The following NETO1 variants were observed in gnomAD, a reference collection of about 807,000 sequenced individuals.
The protein encoded by NETO1 is neuropilin and tolloid-like protein 1.
A neutral mutation model predicts 61.3 loss-of-function variants in NETO1; 26 were observed. The ratio of observed to expected loss-of-function variants is 0.42; its 90% CI spans 0.31 to 0.59. NETO1 has a LOEUF of 0.59. Ranked by LOEUF, NETO1 falls within the 20% of genes least tolerant of loss-of-function variation. The pLI is 0.12. For missense variants in NETO1, 531 were observed against 662.8 expected, an observed-to-expected ratio of 0.80 and a Z score of 2.18; for synonymous variants, 225 against 225.8, an observed-to-expected ratio of 1.00 and a Z score of 0.03.
At chr18:72,772,743 A>C (rs1420435691) in intron 7 of NETO1, among the ~76,000 whole-genome samples, 2 of 65,760 alleles carry the variant, frequency 3.0e-5, no homozygotes, top group African/African-American at 1.2e-4. Context: ...ACACACACAC[A>C]TCTCTCTATA....
At chr18:72,778,025 C>A (rs2071615644) in intron 7 of NETO1, among the ~76,000 whole-genome samples, 1 of 152,162 alleles carries the variant, frequency 6.6e-6, no homozygotes, top group South Asian at 2.1e-4. Context: ...GCCATGCCCC[C>A]ACAGCTTTGC....
chr18:72,767,167 T>TA (rs111738307), intron 7 of NETO1, among the ~76,000 whole-genome samples: 2 of 152,152 alleles, frequency 1.3e-5, no homozygotes, highest in Middle Eastern at 3.2e-3. Context: ...GAGCCAAGCG[T>TA]AAACACATCA....
chr18:72,766,528 T>C (rs1040140452), intron 7 of NETO1, among the ~76,000 whole-genome samples: 3 of 152,138 alleles, frequency 2.0e-5, no homozygotes, highest in African/African-American at 7.2e-5. Flanking sequence ...ACCTTCATAG[T>C]TGTTTTGAAA....
At chr18:72,765,862 A>C (rs2071136037) in intron 7 of NETO1, among the ~76,000 whole-genome samples, 1 of 152,392 alleles carries the variant, frequency 6.6e-6, no homozygotes, top group African/African-American at 2.4e-5. Flanking sequence ...ATCAATTATG[A>C]GTAATCAACT....
chr18:72,855,191 G>A (rs1450712669), intron 4 of NETO1, among the ~76,000 whole-genome samples: 1 of 152,132 alleles, frequency 6.6e-6, no homozygotes, highest in African/African-American at 2.4e-5. Flanking sequence ...ATAGCATATT[G>A]CAGAGGAGAG....
intron 4 of NETO1, chr18:72,853,432 A>T: frequency 6.6e-6 from 1 of 151,538 alleles, no homozygotes; most frequent in East Asian, 2.0e-4. Context: ...AAATTTTTTC[A>T]ATCTTTTATT....
In NETO1 at chr18:72,831,790, C is replaced by T. The variant is rs192642623; in HGVS notation, c.469+27036G>A. ...GTTTCTGTGCAAAGCTTTTATTTCACGCAAACTAAATCACTTGCAATTTTT... is the reference window on the plus strand; with the variant it reads ...GTTTCTGTGCAAAGCTTTTATTTCATGCAAACTAAATCACTTGCAATTTTT... On this transcript the variant is annotated intron_variant, in intron 4 of 10. Coordinates refer to ENST00000327305, the MANE Select transcript of NETO1 (RefSeq NM_138966.5). Among the ~76,000 whole-genome samples, 8 of 151,874 alleles carry T rather than the reference C, an allele frequency of 5.3e-5. No individual in the cohort carries two copies. The East Asian group carries it at 1.2e-3, about 22-fold the overall frequency.
At chr18:72,772,092 T>G (rs909693023) in intron 7 of NETO1, among the ~76,000 whole-genome samples, 1 of 152,166 alleles carries the variant, frequency 6.6e-6, no homozygotes, top group Non-Finnish European at 1.5e-5. Flanking sequence ...CCCACTTTCA[T>G]GCTGACTGGC....
At chr18:72,780,833 A>G (rs939447436) in intron 7 of NETO1, among the ~76,000 whole-genome samples, 1 of 152,192 alleles carries the variant, frequency 6.6e-6, no homozygotes, top group Non-Finnish European at 1.5e-5. Context: ...ATTTGGCATT[A>G]CATCTTTGTC....
intron 4 of NETO1, among the ~76,000 whole-genome samples, chr18:72,841,057 G>A (rs1244846902): frequency 1.3e-5 from 2 of 152,120 alleles, no homozygotes; most frequent in Admixed American, 1.3e-4. Context: ...TTCTGTTTTG[G>A]TGACTACTCT....
chr18:72,777,682 G>A (rs1202718794), intron 7 of NETO1, among the ~76,000 whole-genome samples: 1 of 152,130 alleles, frequency 6.6e-6, no homozygotes, highest in Non-Finnish European at 1.5e-5. Flanking sequence ...GGCGGAGCTC[G>A]CAGTGAGCTG....
intron 1 of NETO1, 78 bp downstream of exon 1, chr18:72,867,186 T>G: frequency 8.7e-7 from 1 of 1,155,918 alleles, no homozygotes; most frequent in Non-Finnish European, 1.2e-6. Flanking sequence ...CAGAGGCTTT[T>G]CCTGCGCGTT....
chr18:72,813,153 T>C (rs966528034), intron 4 of NETO1, among the ~76,000 whole-genome samples: 12 of 152,148 alleles, frequency 7.9e-5, no homozygotes, highest in Non-Finnish European at 1.3e-4. Flanking sequence ...GACGATGCCT[T>C]GCTGTTGAGC....
chr18:72,816,764 T>A (rs1019622612), intron 4 of NETO1, among the ~76,000 whole-genome samples: 1 of 152,150 alleles, frequency 6.6e-6, no homozygotes, highest in Non-Finnish European at 1.5e-5. Context: ...CATCTTCCCA[T>A]TGTGGGCTGG....
chr18:72,788,412 A>G (rs566177594), intron 6 of NETO1, among the ~76,000 whole-genome samples: 62 of 152,268 alleles, frequency 4.1e-4, no homozygotes, highest in African/African-American at 1.2e-3. Flanking sequence ...GCTTTCCCAT[A>G]CTAACTCTAG....
At chr18:72,850,003 T>G (rs1599152279) in intron 4 of NETO1, among the ~76,000 whole-genome samples, 2 of 152,224 alleles carry the variant, frequency 1.3e-5, no homozygotes, top group South Asian at 4.1e-4. Context: ...CACTGGGTCC[T>G]CCCAGATAAT....
intron 7 of NETO1, 68 bp from the exon 8 acceptor site, chr18:72,756,215 T>A (rs779474838): frequency 4.4e-5 from 32 of 722,914 alleles, no homozygotes; most frequent in Non-Finnish European, 7.5e-5. Flanking sequence ...ATCACTCACA[T>A]TACAAATCTA....
At chr18:72,802,271 G>T (rs1162851539) in intron 4 of NETO1, among the ~76,000 whole-genome samples, 1 of 151,992 alleles carries the variant, frequency 6.6e-6, no homozygotes, top group African/African-American at 2.4e-5. Flanking sequence ...CACAGTTATT[G>T]TGAGACCTTG....
At chr18:72,799,676 C>A (rs1385591278) in intron 4 of NETO1, among the ~76,000 whole-genome samples, 1 of 152,242 alleles carries the variant, frequency 6.6e-6, no homozygotes, top group Non-Finnish European at 1.5e-5. Flanking sequence ...AAAGTACATG[C>A]CCTTAACTCA....
Sources: gnomAD v4.1 joint callset for allele counts (sites outside exome capture counted in the v4.1 genomes callset) on GRCh38, gnomAD v4.1.1 for gene constraint, MANE v1.5 for transcripts, NCBI Gene and HGNC (gene_info 2026-07-23, HGNC 2026-07-21) for gene names.